Variants in SMOC2 observed in about 807,000 individuals in gnomAD.
SMOC2 encodes the protein SPARC related modular calcium binding 2, also known as SPARC-related modular calcium-binding protein 2.
SMOC2 carries 39 observed loss-of-function variants against 61.4 expected under a neutral mutation model. The ratio of observed to expected loss-of-function variants is 0.64; its 90% confidence interval spans 0.49 to 0.83. The LOEUF (loss-of-function observed/expected upper bound fraction) is 0.83, where lower values mean the gene tolerates loss of function less well. Ranked by LOEUF, SMOC2 falls within the 40% of genes least tolerant of loss-of-function variation. The pLI, the probability that SMOC2 is intolerant of heterozygous loss-of-function variation, is 0.00. For synonymous variants in SMOC2, 247 were observed against 239.9 expected, an observed-to-expected ratio of 1.03 and a Z score of -0.27; for missense variants, 556 against 592.9, an observed-to-expected ratio of 0.94 and a Z score of 0.65.
intron 4 of SMOC2, among the ~76,000 whole-genome samples, chr6:168,528,288 A>G (rs2609285): frequency 0.68 from 97,707 of 144,248 alleles, 35,251 homozygotes; most frequent in Non-Finnish European, 0.8. Context: ...TTTTGCCAAT[A>G]GTGCTGTAAA....
chr6:168,630,736 C>G (rs1786545112), intron 9 of SMOC2, among the ~76,000 whole-genome samples: 1 of 152,184 alleles, frequency 6.6e-6, no homozygotes, highest in South Asian at 2.1e-4. Flanking sequence ...TGGAACATCC[C>G]TGAGAAAGAG....
chr6:168,664,020 T>C, intron 11 of SMOC2, 54 bp from the exon 12 acceptor site: 1 of 1,468,962 alleles, frequency 6.8e-7, no homozygotes, highest in Non-Finnish European at 9.3e-7. Context: ...GTTGAACCTT[T>C]CATTAAATAA....
In SMOC2 at chr6:168,553,200, A is replaced by G. The variant is rs1562343637; in HGVS notation, c.637+3997A>G. On this transcript the variant is annotated intron_variant, in intron 7 of 12. Coordinates refer to ENST00000356284, the MANE Select transcript of SMOC2 (RefSeq NM_001166412.2). This position sits in a 1 kb window ranked among gnomAD's most constrained non-coding sequence, Gnocchi z 4.2. ...TGGCTCATTTAGTAAGAAAATCATC[A>G]CTTTCATCATGTGAATCATATACAT... Among the ~76,000 whole-genome samples, 1 of 152,176 alleles carries G rather than the reference A, an allele frequency of 6.6e-6. No homozygotes were observed. The highest frequency in any genetic ancestry group is 1.5e-5 in the Non-Finnish European group (1 of 68,028).
At chr6:168,628,060 C>T (rs1173024826) in intron 9 of SMOC2, among the ~76,000 whole-genome samples, 1 of 152,212 alleles carries the variant, frequency 6.6e-6, no homozygotes, top group East Asian at 1.9e-4. Context: ...TGTTTCACAA[C>T]CACCTTCCTC....
chr6:168,632,534 C>T (rs1786596659), intron 9 of SMOC2, among the ~76,000 whole-genome samples: 1 of 152,220 alleles, frequency 6.6e-6, no homozygotes, highest in Non-Finnish European at 1.5e-5. Context: ...GAAAACACTG[C>T]ACCTCCAGTA....
chr6:168,523,301 G>T (rs1163114760), intron 2 of SMOC2, among the ~76,000 whole-genome samples: 2 of 147,178 alleles, frequency 1.4e-5, no homozygotes, highest in Non-Finnish European at 3.0e-5. Context: ...TGTTAGCCAG[G>T]ATGGTCTCGA....
intron 1 of SMOC2, among the ~76,000 whole-genome samples, chr6:168,458,941 T>A (rs1008915075): frequency 6.6e-6 from 1 of 152,220 alleles, no homozygotes; most frequent in Non-Finnish European, 1.5e-5. Context: ...GAAGTTTAAT[T>A]TATGGACATT....
intron 6 of SMOC2, among the ~76,000 whole-genome samples, chr6:168,548,298 G>A (rs1312491414): frequency 6.6e-6 from 1 of 150,986 alleles, no homozygotes. Context: ...AAACCCAGAT[G>A]TCTTCTTCAG....
intron 7 of SMOC2, among the ~76,000 whole-genome samples, chr6:168,584,648 A>G (rs767224687): frequency 7.7e-5 from 5 of 64,844 alleles, no homozygotes; most frequent in Non-Finnish European, 1.8e-4. Context: ...CCGAACAGGC[A>G]AAAAATATGT....
intron 9 of SMOC2, among the ~76,000 whole-genome samples, chr6:168,628,608 C>G (rs1445002163): frequency 6.6e-6 from 1 of 152,200 alleles, no homozygotes; most frequent in Non-Finnish European, 1.5e-5. Context: ...ATAAATTATA[C>G]TTTTATTTGA....
intron 1 of SMOC2, among the ~76,000 whole-genome samples, chr6:168,488,807 T>G (rs960213068): frequency 1.3e-5 from 2 of 150,718 alleles, no homozygotes; most frequent in African/African-American, 4.9e-5. Context: ...TCACACTGTT[T>G]TAGAGGGAAA....
chr6:168,447,743 A>G (rs1474934458), intron 1 of SMOC2, among the ~76,000 whole-genome samples: 1 of 151,884 alleles, frequency 6.6e-6, no homozygotes, highest in Non-Finnish European at 1.5e-5. Context: ...CCTTGAGTGC[A>G]GGTCACCATT....
chr6:168,570,944 A>G (rs910741994), intron 7 of SMOC2, among the ~76,000 whole-genome samples: 14 of 152,300 alleles, frequency 9.2e-5, no homozygotes, highest in African/African-American at 3.4e-4. Flanking sequence ...TTCCAAGAGC[A>G]CATAACTCAT....
intron 1 of SMOC2, among the ~76,000 whole-genome samples, chr6:168,451,915 A>G (rs1268254146): frequency 1.3e-5 from 2 of 152,176 alleles, no homozygotes; most frequent in African/African-American, 4.8e-5. Context: ...CCTGCTGGAA[A>G]CATCCAGGTG....
chr6:168,551,980 G>C (rs1162668578), intron 7 of SMOC2, among the ~76,000 whole-genome samples: 5 of 152,164 alleles, frequency 3.3e-5, no homozygotes, highest in African/African-American at 1.2e-4. Context: ...GGAAATTCCA[G>C]TTTACAGAAG....
chr6:168,607,868 T>TCCACCCAACCC (rs1179917223), intron 8 of SMOC2, among the ~76,000 whole-genome samples: 1 of 151,374 alleles, frequency 6.6e-6, no homozygotes, highest in African/African-American at 2.4e-5. Context: ...GTGTGGGTGC[T>TCCACCCAACCC]TGGCAGCTGC....
At chr6:168,640,475 G>A (rs1475097171) in intron 9 of SMOC2, among the ~76,000 whole-genome samples, 1 of 152,158 alleles carries the variant, frequency 6.6e-6, no homozygotes, top group African/African-American at 2.4e-5. Flanking sequence ...CCTCTGCAGT[G>A]GTAGCGTTGC....
intron 1 of SMOC2, among the ~76,000 whole-genome samples, chr6:168,477,616 G>A (rs1782118139): frequency 6.6e-6 from 1 of 152,196 alleles, no homozygotes; most frequent in African/African-American, 2.4e-5. Flanking sequence ...CAAGAGAGAT[G>A]TGTGATGAAG....
At chr6:168,515,970 C>T (rs558193838) in intron 2 of SMOC2, among the ~76,000 whole-genome samples, 53 of 152,216 alleles carry the variant, frequency 3.5e-4, no homozygotes, top group Non-Finnish European at 6.3e-4. Context: ...GTTTTCTCTA[C>T]GTGATTCCTG....
Sources: gnomAD v4.1 joint callset for allele counts (sites outside exome capture counted in the v4.1 genomes callset) on GRCh38, gnomAD v4.1.1 for gene constraint, Gnocchi (gnomAD v3.1) non-coding constraint, MANE v1.5 for transcripts, NCBI Gene and HGNC (gene_info 2026-07-23, HGNC 2026-07-21) for gene names.